The following LAMA2 variants were observed in gnomAD, a reference collection of about 807,000 sequenced individuals.
LAMA2 encodes laminin subunit alpha-2.
Under a neutral mutation model 364.8 loss-of-function variants are expected in LAMA2, and 269 were observed. The ratio of observed to expected loss-of-function variants is 0.74; its 90% CI spans 0.67 to 0.82. The LOEUF is 0.82. Among genes scored for constraint, LAMA2 ranks in the 40% least tolerant of loss-of-function variants. The probability of loss-of-function intolerance (pLI) is 0.00; values close to 1 mark genes in which losing one functional copy is unlikely to be tolerated. For synonymous variants in LAMA2, 1,379 were observed against 1,370.6 expected (o/e 1.01, Z -0.14); for missense variants, 3,807 against 3,873.2 (o/e 0.98, Z 0.45).
intron 35 of LAMA2, among the ~76,000 whole-genome samples, chr6:129,390,235 A>C (rs1006037515): frequency 1.3e-5 from 2 of 152,132 alleles, no homozygotes; most frequent in Non-Finnish European, 2.9e-5. Flanking sequence ...CCTCACCCCC[A>C]GAATTTCTGA....
At chr6:129,273,999 A>C (rs994192260) in intron 17 of LAMA2, among the ~76,000 whole-genome samples, 1 of 151,934 alleles carries the variant, frequency 6.6e-6, no homozygotes, top group African/African-American at 2.4e-5. Flanking sequence ...AATTGGGACT[A>C]GAATAGCAAT....
At chr6:129,383,300 A>G in intron 35 of LAMA2, 67 bp downstream of exon 35, 2 of 1,208,486 alleles carry the variant, frequency 1.7e-6, no homozygotes, top group Non-Finnish European at 2.4e-6. Flanking sequence ...GGGATGACAC[A>G]GGACTGGAAT....
intron 1 of LAMA2, among the ~76,000 whole-genome samples, chr6:128,935,832 G>A (rs1292056407): frequency 1.3e-5 from 2 of 152,110 alleles, no homozygotes; most frequent in Non-Finnish European, 2.9e-5. Context: ...TATGTTGATT[G>A]GGAGTGGTAA....
chr6:128,937,891 C>CT (rs971892780), intron 1 of LAMA2, among the ~76,000 whole-genome samples: 57 of 148,228 alleles, frequency 3.8e-4, no homozygotes, highest in East Asian at 2.2e-3. Context: ...CATTTTAGAT[C>CT]TTTTTTTTTA....
intron 4 of LAMA2, among the ~76,000 whole-genome samples, chr6:129,141,761 A>T (rs1321613500): frequency 6.6e-6 from 1 of 152,066 alleles, no homozygotes; most frequent in Non-Finnish European, 1.5e-5. Flanking sequence ...CTTGAGTCAC[A>T]GCTCCTCAGT....
intron 63 of LAMA2, among the ~76,000 whole-genome samples, chr6:129,513,123 G>T (rs1463886815): frequency 6.6e-6 from 1 of 152,152 alleles, no homozygotes; most frequent in East Asian, 1.9e-4. Context: ...AATTTCACAA[G>T]TTTTCTATTT....
chr6:129,416,574 A>G (rs1780801206), intron 40 of LAMA2, among the ~76,000 whole-genome samples: 1 of 151,962 alleles, frequency 6.6e-6, no homozygotes, highest in Non-Finnish European at 1.5e-5. Flanking sequence ...CCCTACACAG[A>G]CTGCACAGCC....
At chr6:128,884,750 C>A (rs575268835) in intron 1 of LAMA2, among the ~76,000 whole-genome samples, 1 of 152,084 alleles carries the variant, frequency 6.6e-6, no homozygotes, top group Admixed American at 6.5e-5. Context: ...AAAAATTCTA[C>A]TTTTAACTAT....
chr6:129,410,714 TTAGATAGATAGA>T (rs36203052), intron 40 of LAMA2, among the ~76,000 whole-genome samples: 21 of 150,412 alleles, frequency 1.4e-4, no homozygotes, highest in South Asian at 2.1e-4. Flanking sequence ...GATAGACAGA[TTAGATAGATAGA>T]TAGATAGATA....
chr6:128,985,092 A>G (rs1210541895), intron 1 of LAMA2, among the ~76,000 whole-genome samples: 1 of 152,134 alleles, frequency 6.6e-6, no homozygotes, highest in Non-Finnish European at 1.5e-5. Context: ...AACTCTTTTC[A>G]TAGACTGTCT....
At chr6:128,929,907 G>A in intron 1 of LAMA2, 1 of 852,744 alleles carries the variant, frequency 1.2e-6, no homozygotes, top group Non-Finnish European at 2.0e-6. Flanking sequence ...GGGATGTGCA[G>A]GTACGCAGCA....
At chr6:129,391,129 A>C (rs890232020) in intron 35 of LAMA2, among the ~76,000 whole-genome samples, 1 of 152,184 alleles carries the variant, frequency 6.6e-6, no homozygotes, top group African/African-American at 2.4e-5. Flanking sequence ...CTATCTTATC[A>C]GCAATGCAGA....
chr6:129,306,361 C>T (rs1200877723), intron 22 of LAMA2, among the ~76,000 whole-genome samples: 2 of 64,366 alleles, frequency 3.1e-5, no homozygotes, highest in Non-Finnish European at 2.8e-5. Context: ...TTTTTTTTTC[C>T]GAAGATGTTT....
chr6:129,227,633 C>A (rs888695620), intron 12 of LAMA2, among the ~76,000 whole-genome samples: 1 of 152,164 alleles, frequency 6.6e-6, no homozygotes, highest in Non-Finnish European at 1.5e-5. Context: ...GCGGAGGCTG[C>A]AGAACAGCAG....
rs1257244368 is a variant in LAMA2, at chr6:129,313,161, T to C, written c.3411+64T>C. ...CAATTCTGTTTCCATTGCTCAGTTT[T>C]AACTTCATTCAGTGTTTGTTATACC... On this transcript the variant is annotated intron_variant, in intron 23 of 64. Transcript: ENST00000421865. 15 of 1,003,506 alleles carry C rather than the reference T, an allele frequency of 1.5e-5. No homozygotes were observed. The Admixed American group carries it at 2.7e-4, about 18-fold the overall frequency. The allele number at this position is 1,003,506 out of a possible 1,614,324, so 62.2% of individuals were successfully genotyped here. A position where few individuals can be genotyped will look rare whatever the true frequency, so the allele number is the denominator to read the frequency against.
chr6:129,081,107 G>A (rs1774023557), intron 3 of LAMA2, among the ~76,000 whole-genome samples: 1 of 152,112 alleles, frequency 6.6e-6, no homozygotes, highest in South Asian at 2.1e-4. Context: ...TATGGATGAA[G>A]CTGGAAACCA....
intron 15 of LAMA2, among the ~76,000 whole-genome samples, chr6:129,264,862 C>G (rs1787395694): frequency 6.6e-6 from 1 of 151,576 alleles, no homozygotes; most frequent in Admixed American, 6.6e-5. Context: ...GGTGGTGACA[C>G]AAAACAGATT....
rs2114839635 is a variant in LAMA2 at position 129,481,391 on chromosome 6, T to C, written c.7701T>C (p.Ser2567=). 1.2e-6 allele frequency: 2 copies of C among 1,613,974 alleles called. No homozygotes were observed. Among genetic ancestry groups the C allele is most frequent in the South Asian group, 1.1e-5 (1 of 91,070 alleles). The change falls in exon 55 of 65, where the codon AGT becomes AGC. Residue 2567 remains serine, a synonymous_variant. Coordinates refer to ENST00000421865, the MANE Select transcript of LAMA2 (RefSeq NM_000426.4). ...KNESGIILLG[S]GGTPAPPRRK... The stretch of plus-strand genomic sequence containing the variant: ...AGTCCGGCATCATTCTTTTGGGAAG[T>C]GGAGGGACACCAGCACCACCTAGGA...
chr6:129,188,243 C>G (rs987017918), intron 10 of LAMA2, among the ~76,000 whole-genome samples: 3 of 151,796 alleles, frequency 2.0e-5, no homozygotes, highest in African/African-American at 7.2e-5. Flanking sequence ...CCTAGAATTC[C>G]TACCCTAATG....
Sources: allele counts gnomAD v4.1 joint callset (sites outside exome capture counted in the v4.1 genomes callset), GRCh38; gene constraint gnomAD v4.1.1; transcripts MANE v1.5; gene names NCBI Gene and HGNC (gene_info 2026-07-23, HGNC 2026-07-21).